Variants in FAM171A1 observed in about 807,000 individuals in gnomAD.
FAM171A1 encodes the protein family with sequence similarity 171 member A1, also known as protein FAM171A1.
FAM171A1 carries 23 observed loss-of-function variants against 74.9 expected under a neutral mutation model. The ratio of observed to expected loss-of-function variants is 0.31; its 90% confidence interval spans 0.22 to 0.44. FAM171A1 has a LOEUF of 0.44. Ranked by LOEUF, FAM171A1 falls within the 20% of genes least tolerant of loss-of-function variation. FAM171A1 has a pLI of 1.00. For missense variants in FAM171A1, 1,162 were observed against 1,159.2 expected (o/e 1.00, Z -0.03); for synonymous variants, 527 against 505.7 (o/e 1.04, Z -0.57).
intron 5 of FAM171A1, among the ~76,000 whole-genome samples, chr10:15,240,251 G>C (rs1834346922): frequency 6.6e-6 from 1 of 152,060 alleles, no homozygotes; most frequent in South Asian, 2.1e-4. Context: ...GTCCCAGCTA[G>C]CTGGGAGGCT....
intron 5 of FAM171A1, among the ~76,000 whole-genome samples, chr10:15,230,887 C>T (rs1022287733): frequency 2.0e-5 from 3 of 152,152 alleles, no homozygotes; most frequent in Non-Finnish European, 2.9e-5. Flanking sequence ...TAATTAGCCC[C>T]ATCTGGAGAG....
intron 1 of FAM171A1, among the ~76,000 whole-genome samples, chr10:15,320,430 A>G (rs1296987875): frequency 6.6e-6 from 1 of 152,234 alleles, no homozygotes; most frequent in African/African-American, 2.4e-5. Flanking sequence ...TGCGATAAAC[A>G]TATGCGTACA....
intron 3 of FAM171A1, among the ~76,000 whole-genome samples, chr10:15,270,417 G>A (rs11259587): frequency 0.29 from 44,847 of 152,076 alleles, 7,910 homozygotes; most frequent in East Asian, 0.57. Flanking sequence ...AGCTCAAGGA[G>A]GCCTGCCTGC....
intron 1 of FAM171A1, among the ~76,000 whole-genome samples, chr10:15,343,722 C>A (rs367868944): frequency 6.6e-6 from 1 of 152,048 alleles, no homozygotes; most frequent in African/African-American, 2.4e-5. Flanking sequence ...GAGGTCTGGA[C>A]GGGGGACAGC....
intron 1 of FAM171A1, among the ~76,000 whole-genome samples, chr10:15,352,906 C>T (rs532920257): frequency 6.6e-6 from 1 of 152,164 alleles, no homozygotes; most frequent in African/African-American, 2.4e-5. Context: ...TGAGCATATG[C>T]GCTGTGTGCA....
intron 5 of FAM171A1, 94 bp from the exon 6 acceptor site, chr10:15,221,154 T>G: frequency 9.1e-7 from 1 of 1,100,026 alleles, no homozygotes; most frequent in Non-Finnish European, 1.3e-6. Flanking sequence ...ATATCTTAAA[T>G]GTCATGTTTA....
At chr10:15,246,129 G>A (rs1395307359) in intron 5 of FAM171A1, among the ~76,000 whole-genome samples, 7 of 152,012 alleles carry the variant, frequency 4.6e-5, no homozygotes, top group African/African-American at 1.2e-4. Context: ...TAAAGTGCCC[G>A]TCTCGCTTAC....
intron 3 of FAM171A1, among the ~76,000 whole-genome samples, chr10:15,255,487 T>C (rs965082926): frequency 2.0e-5 from 3 of 152,158 alleles, no homozygotes; most frequent in African/African-American, 2.4e-5. Flanking sequence ...ATGGATTATG[T>C]CACAGAATTT....
In FAM171A1 at chr10:15,214,084, C is replaced by T; in HGVS notation, c.1504G>A (p.Asp502Asn). 1.2e-6 allele frequency: 2 copies of T among 1,614,124 alleles called. No homozygotes were observed. The highest frequency in any genetic ancestry group is 1.7e-6 in the Non-Finnish European group (2 of 1,180,026). ...CCCGTGGAGGCTGGACCTTCTCTGTCCTGCTTTTCAAATAAAGGCTGTGAG... is the reference window on the plus strand; with the variant it reads ...CCCGTGGAGGCTGGACCTTCTCTGTTCTGCTTTTCAAATAAAGGCTGTGAG... Reference protein sequence around the residue: ...VLSQPLFEKQDREGPASTGSK... With the variant: ...VLSQPLFEKQNREGPASTGSK... The change falls in exon 8 of 8, where the codon GAC becomes AAC. Residue 502 changes from aspartate (D) to asparagine (N), a missense_variant. Asp to Asn is a conservative substitution (Grantham distance 23). Transcript: ENST00000378116.
chr10:15,329,830 C>T (rs1835605766), intron 1 of FAM171A1, among the ~76,000 whole-genome samples: 3 of 152,162 alleles, frequency 2.0e-5, no homozygotes, highest in Admixed American at 6.5e-5. Context: ...TTCAGTGACA[C>T]TGCTAAGCCC....
At chr10:15,366,790 G>A (rs1416745122) in intron 1 of FAM171A1, among the ~76,000 whole-genome samples, 4 of 152,174 alleles carry the variant, frequency 2.6e-5, no homozygotes, top group African/African-American at 9.7e-5. Context: ...TTTACTAAAA[G>A]TAGGAAATTA....
intron 1 of FAM171A1, among the ~76,000 whole-genome samples, chr10:15,337,573 G>A (rs1262922685): frequency 6.6e-6 from 1 of 151,850 alleles, no homozygotes; most frequent in African/African-American, 2.4e-5. Flanking sequence ...GCCGGGTGTG[G>A]TGGCTCACAC....
At chr10:15,277,546 T>G (rs1207480991) in intron 2 of FAM171A1, among the ~76,000 whole-genome samples, 13 of 152,150 alleles carry the variant, frequency 8.5e-5, no homozygotes, top group Non-Finnish European at 1.5e-5. Context: ...ATTATTAACA[T>G]GCCCATTTCA....
At chr10:15,340,956 C>A (rs1037704659) in intron 1 of FAM171A1, among the ~76,000 whole-genome samples, 1 of 152,150 alleles carries the variant, frequency 6.6e-6, no homozygotes, top group African/African-American at 2.4e-5. Flanking sequence ...ACGACATCAA[C>A]ATTTCATGGT....
chr10:15,295,197 C>G (rs894163966), intron 1 of FAM171A1, among the ~76,000 whole-genome samples: 1 of 152,192 alleles, frequency 6.6e-6, no homozygotes, highest in Admixed American at 6.5e-5. Flanking sequence ...CTCGGCCTCC[C>G]AAAGTGCTAG....
At chr10:15,289,304 C>T (rs562332550) in intron 1 of FAM171A1, among the ~76,000 whole-genome samples, 7 of 152,240 alleles carry the variant, frequency 4.6e-5, no homozygotes, top group South Asian at 2.1e-4. Context: ...ACCCCATAAA[C>T]GGTCCCAGAC....
intron 1 of FAM171A1, among the ~76,000 whole-genome samples, chr10:15,362,734 A>C (rs1384081655): frequency 6.6e-6 from 1 of 152,194 alleles, no homozygotes; most frequent in Non-Finnish European, 1.5e-5. Flanking sequence ...AAAAACAAAA[A>C]CAAAAACAAA....
At chr10:15,367,944 C>T (rs762833757) in intron 1 of FAM171A1, among the ~76,000 whole-genome samples, 1 of 152,218 alleles carries the variant, frequency 6.6e-6, no homozygotes, top group African/African-American at 2.4e-5. Flanking sequence ...TACATCTGCA[C>T]AGCTTACTGC....
chr10:15,317,758 C>G (rs1274764005), intron 1 of FAM171A1, among the ~76,000 whole-genome samples: 1 of 152,150 alleles, frequency 6.6e-6, no homozygotes, highest in Non-Finnish European at 1.5e-5. Context: ...CCACTAGGGT[C>G]CATGCTCAAT....
Sources: gnomAD v4.1 joint callset for allele counts (sites outside exome capture counted in the v4.1 genomes callset) on GRCh38, gnomAD v4.1.1 for gene constraint, MANE v1.5 for transcripts, NCBI Gene and HGNC (gene_info 2026-07-23, HGNC 2026-07-21) for gene names.